Variants in BICRAL observed in about 807,000 individuals in gnomAD.
BICRAL encodes BICRA like chromatin remodeling complex associated protein.
In BICRAL, 8 loss-of-function variants were observed where a neutral mutation model predicts 91.8. The observed-to-expected ratio is 0.09, with a 90% CI of 0.05 to 0.16. The LOEUF is 0.16. Among genes scored for constraint, BICRAL ranks in the 10% least tolerant of loss-of-function variants. BICRAL has a pLI of 1.00. For missense variants in BICRAL, 1,038 were observed against 1,310.9 expected (o/e 0.79, Z 3.21); for synonymous variants, 445 against 491.1 (o/e 0.91, Z 1.24).
At chr6:42,861,030 G>A (rs949028996) in intron 11 of BICRAL, among the ~76,000 whole-genome samples, 14 of 152,322 alleles carry the variant, frequency 9.2e-5, no homozygotes, top group Middle Eastern at 3.4e-3. Flanking sequence ...GGAGGCTGAG[G>A]CGGAAGAATC....
upstream of BICRAL, among the ~76,000 whole-genome samples, chr6:42,746,399 G>A (rs1762275054): frequency 6.6e-6 from 1 of 151,574 alleles, no homozygotes; most frequent in Non-Finnish European, 1.5e-5. Context: ...ATGTGGGTTT[G>A]TTTATAAGAA....
chr6:42,845,191 G>C (rs1394377859), intron 6 of BICRAL, among the ~76,000 whole-genome samples: 2 of 48,898 alleles, frequency 4.1e-5, no homozygotes, highest in Non-Finnish European at 8.9e-5. Context: ...TTTGTTTTTT[G>C]GGTGTTTTTT....
intron 1 of BICRAL, among the ~76,000 whole-genome samples, chr6:42,792,824 A>G (rs1323901607): frequency 6.6e-6 from 1 of 151,870 alleles, no homozygotes; most frequent in Admixed American, 6.6e-5. Flanking sequence ...GAGGCACAAG[A>G]ATTGTTTGAA....
At chr6:42,818,224 A>T (rs1258525770) in intron 2 of BICRAL, among the ~76,000 whole-genome samples, 1 of 152,156 alleles carries the variant, frequency 6.6e-6, no homozygotes, top group Admixed American at 6.6e-5. Flanking sequence ...TCACTACAAT[A>T]TTAATTTTTA....
chr6:42,815,267 G>A lies in BICRAL; in HGVS notation c.-6+4866G>A, dbSNP rs182145837. Among the ~76,000 whole-genome samples the A allele has an allele frequency of 2.9e-4, 40 of 139,784 alleles. No homozygotes were observed. The East Asian group carries it at 7.7e-3, about 27-fold the overall frequency. 91.7% of individuals were successfully genotyped at this position (139,784 alleles called of 152,430 possible). ...TGCAGTGGGGCAATCTTGGCTCACT[G>A]CAACCCCCATCTCCTGGGATCAGGC... On this transcript the variant is annotated intron_variant, in intron 2 of 12. Coordinates refer to ENST00000314073, the MANE Select transcript of BICRAL (RefSeq NM_001393499.1).
intron 8 of BICRAL, among the ~76,000 whole-genome samples, chr6:42,855,067 C>T (rs1208334867): frequency 4.6e-5 from 7 of 152,168 alleles, no homozygotes; most frequent in Admixed American, 4.6e-4. Context: ...AGGATCTGTT[C>T]AGTTCTAAGG....
intron 1 of BICRAL, among the ~76,000 whole-genome samples, chr6:42,787,086 G>A (rs1441459508): frequency 1.3e-5 from 2 of 152,160 alleles, no homozygotes; most frequent in Non-Finnish European, 2.9e-5. Context: ...AGTATCTCAG[G>A]CAAGTAAAGT....
intron 1 of BICRAL, among the ~76,000 whole-genome samples, chr6:42,756,743 T>C (rs1762465396): frequency 6.6e-6 from 1 of 152,154 alleles, no homozygotes; most frequent in Admixed American, 6.5e-5. Context: ...CACAATTCTG[T>C]GGGTTCAACT....
Position 42,776,754 on chromosome 6 carries a change from A to G in BICRAL, c.-260-5085A>G, listed in dbSNP as rs553862249. ...ACAGATGAGGAAACTTAGGTGAGAG[A>G]AATTTTTAAACTAGGCCAAAATCAC... On this transcript the variant is annotated intron_variant, in intron 1 of 14. Transcript: ENST00000614467. Among the ~76,000 whole-genome samples, 11 of 152,346 alleles carry G rather than the reference A, an allele frequency of 7.2e-5. No individual in the cohort carries two copies. In the South Asian group the frequency reaches 1.7e-3, roughly 23 times the overall value.
chr6:42,860,276 G>T lies in BICRAL; in HGVS notation c.2269G>T (p.Glu757Ter). The change falls in exon 11 of 13, where the codon GAG becomes TAG. Residue 757 changes from glutamate to a stop codon, truncating the protein, a stop_gained. Coordinates refer to ENST00000314073, the MANE Select transcript of BICRAL (RefSeq NM_001393499.1). LOFTEE classifies it high-confidence loss of function. ...EDLRKVDNEF[E>*]TVATQLLKRT... ...TCTTTTTAAAGTGGACAATGAATTT[G>T]AGACAGTTGCCACTCAGCTCCTAAA... The T allele has an allele frequency of 6.3e-7, 1 of 1,599,408 alleles. No homozygotes were observed. The highest frequency in any genetic ancestry group is 1.1e-5 in the South Asian group (1 of 90,674).
rs144880264 is a variant in BICRAL at position 42,833,635 on chromosome 6, A to G, written c.1839+3463A>G. On this transcript the variant is annotated intron_variant, in intron 6 of 12. Coordinates refer to ENST00000314073, the MANE Select transcript of BICRAL (RefSeq NM_001393499.1). ...GCTAATTTTTGTATTTTTAGTACAG[A>G]CAGGGTTTCTCCGTGTTGGCCAGGC... Among the ~76,000 whole-genome samples the G allele has an allele frequency of 6.9e-3, 1,042 of 151,762 alleles. 4 individuals carry two copies. Among genetic ancestry groups the G allele is most frequent in the African/African-American group, 0.022 (915 of 41,388 alleles).
intron 1 of BICRAL, among the ~76,000 whole-genome samples, chr6:42,751,462 T>C (rs1314952493): frequency 6.6e-6 from 1 of 152,116 alleles, no homozygotes; most frequent in Non-Finnish European, 1.5e-5. Flanking sequence ...ACAAAGGGAA[T>C]CTCATGATTG....
intron 6 of BICRAL, among the ~76,000 whole-genome samples, chr6:42,832,451 A>G (rs1304572144): frequency 1.4e-5 from 2 of 148,042 alleles, no homozygotes; most frequent in Admixed American, 6.8e-5. Context: ...ATATTAATGT[A>G]TATATCAATT....
At chr6:42,809,293 G>A (rs1013279993) in intron 1 of BICRAL, among the ~76,000 whole-genome samples, 2 of 151,876 alleles carry the variant, frequency 1.3e-5, no homozygotes, top group African/African-American at 2.4e-5. Context: ...GCTGCTGTTA[G>A]GCTTATTTCT....
At chr6:42,837,142 T>C (rs991568031) in intron 6 of BICRAL, among the ~76,000 whole-genome samples, 13 of 151,476 alleles carry the variant, frequency 8.6e-5, no homozygotes, top group African/African-American at 3.1e-4. Context: ...AGACAGAGTT[T>C]TGCCATTTTG....
chr6:42,813,212 A>G (rs1294772500), intron 2 of BICRAL, among the ~76,000 whole-genome samples: 3 of 152,170 alleles, frequency 2.0e-5, no homozygotes, highest in Admixed American at 6.5e-5. Flanking sequence ...GAGGGAAACT[A>G]TAAACCTGCA....
At chr6:42,779,438 G>C (rs1762854672), upstream of BICRAL, among the ~76,000 whole-genome samples, 1 of 152,018 alleles carries the variant, frequency 6.6e-6, no homozygotes, top group African/African-American at 2.4e-5. Flanking sequence ...AATTTTCCAA[G>C]CCAATTAGAA....
intron 10 of BICRAL, among the ~76,000 whole-genome samples, chr6:42,859,555 T>C (rs1370437781): frequency 6.6e-6 from 1 of 152,158 alleles, no homozygotes; most frequent in Non-Finnish European, 1.5e-5. Context: ...GTCCAGACAG[T>C]TGGACTTCAT....
chr6:42,814,505 A>G (rs1279198518), intron 2 of BICRAL, among the ~76,000 whole-genome samples: 3 of 84,006 alleles, frequency 3.6e-5, no homozygotes, highest in East Asian at 3.4e-4. Context: ...GTGTGTATAT[A>G]TATATATATA....
Sources: allele counts gnomAD v4.1 joint callset (sites outside exome capture counted in the v4.1 genomes callset), GRCh38; gene constraint gnomAD v4.1.1; transcripts MANE v1.5; gene names NCBI Gene and HGNC (gene_info 2026-07-23, HGNC 2026-07-21).